NRCAM: variants seen among roughly 807,000 people sequenced by gnomAD.
The protein encoded by NRCAM is neuronal cell adhesion molecule, also known as NgCAM-related cell adhesion molecule.
NRCAM carries 83 observed loss-of-function variants against 156.5 expected under a neutral mutation model. The observed-to-expected ratio is 0.53, with a 90% CI of 0.44 to 0.64. The LOEUF (loss-of-function observed/expected upper bound fraction) is 0.64, where lower values mean the gene tolerates loss of function less well. Among genes scored for constraint, NRCAM ranks in the 30% least tolerant of loss-of-function variants. NRCAM has a pLI of 0.00. For missense variants in NRCAM, 1,417 were observed against 1,597.3 expected, an observed-to-expected ratio of 0.89 and a Z score of 1.92; for synonymous variants, 538 against 563.9, an observed-to-expected ratio of 0.95 and a Z score of 0.65.
intron 3 of NRCAM, among the ~76,000 whole-genome samples, chr7:108,268,058 G>A (rs866356799): frequency 7.8e-5 from 10 of 127,602 alleles, no homozygotes; most frequent in African/African-American, 1.7e-4. Context: ...TCATTTACAC[G>A]GCATTTCTTC....
intron 3 of NRCAM, among the ~76,000 whole-genome samples, chr7:108,289,520 T>A (rs556470677): frequency 1.3e-5 from 2 of 152,294 alleles, no homozygotes; most frequent in East Asian, 3.9e-4. Context: ...AAATTTTGAC[T>A]AACATCTGTT....
chr7:108,224,032 C>T (rs1299972587), intron 10 of NRCAM, among the ~76,000 whole-genome samples, 196 bp from the exon 11 acceptor site: 2 of 152,122 alleles, frequency 1.3e-5, no homozygotes, highest in African/African-American at 4.8e-5. Flanking sequence ...TACCCAGGAA[C>T]AGAAACAATT....
intron 2 of NRCAM, among the ~76,000 whole-genome samples, chr7:108,389,647 A>G (rs2099753303): frequency 6.6e-6 from 1 of 152,104 alleles, no homozygotes; most frequent in African/African-American, 2.4e-5. Context: ...TTTCAAAGGG[A>G]ATGCTTCCAG....
At chr7:108,384,946 T>G (rs1261150656) in intron 2 of NRCAM, among the ~76,000 whole-genome samples, 1 of 152,186 alleles carries the variant, frequency 6.6e-6, no homozygotes, top group Admixed American at 6.6e-5. Flanking sequence ...ACATGCCAAG[T>G]GCTTTATGAA....
chr7:108,297,791 A>G (rs888869987), intron 3 of NRCAM, among the ~76,000 whole-genome samples: 1 of 152,236 alleles, frequency 6.6e-6, no homozygotes, highest in African/African-American at 2.4e-5. Flanking sequence ...GTGTGTGTGC[A>G]TGCGCACGTA....
intron 3 of NRCAM, among the ~76,000 whole-genome samples, chr7:108,246,030 C>CA (rs1210006644): frequency 6.6e-6 from 1 of 152,202 alleles, no homozygotes; most frequent in African/African-American, 2.4e-5. Context: ...CAGGCTTGTC[C>CA]AGCCAGCTAT....
Position 108,177,884 on chromosome 7 carries a change from C to T in NRCAM, c.2974+106G>A, listed in dbSNP as rs1017393981. On this transcript the variant is annotated intron_variant, in intron 26 of 32. Transcript: ENST00000379028. ...CCCCTGATCTGATCACTATATGTAT[C>T]GAAACATCACTACGTACCCCATGAG... 4.2e-5 allele frequency: 41 copies of T among 968,068 alleles called. No individual in the cohort carries two copies. The Admixed American group carries it at 4.7e-4, about 11-fold the overall frequency. 60.0% of individuals were successfully genotyped at this position (968,068 alleles called of 1,614,324 possible).
chr7:108,416,249 G>A (rs549766360), intron 1 of NRCAM, among the ~76,000 whole-genome samples: 21 of 152,328 alleles, frequency 1.4e-4, no homozygotes, highest in Middle Eastern at 3.4e-3. Flanking sequence ...CCAGGAGTAG[G>A]ATAGAGACAG....
intron 17 of NRCAM, 67 bp downstream of exon 17, chr7:108,193,957 A>G (rs1278294044): frequency 6.7e-7 from 1 of 1,491,972 alleles, no homozygotes; most frequent in Non-Finnish European, 9.2e-7. Context: ...ACTACATAGT[A>G]GACCTTTAGT....
chr7:108,230,956 G>A, intron 8 of NRCAM, 75 bp downstream of exon 8: 1 of 1,138,174 alleles, frequency 8.8e-7, no homozygotes, highest in Non-Finnish European at 1.3e-6. Flanking sequence ...TGAATCATAA[G>A]AGGTAATAAT....
chr7:108,343,572 G>A (rs1286414391), intron 2 of NRCAM, among the ~76,000 whole-genome samples: 1 of 152,180 alleles, frequency 6.6e-6, no homozygotes, highest in Non-Finnish European at 1.5e-5. Flanking sequence ...CCAAGCCCCA[G>A]TACTCAAAAG....
chr7:108,256,009 G>GA (rs1436890078), intron 3 of NRCAM, among the ~76,000 whole-genome samples: 56 of 71,468 alleles, frequency 7.8e-4, no homozygotes, highest in South Asian at 2.0e-3. Flanking sequence ...GGGAGGTGGG[G>GA]GCAGCCCCCG....
chr7:108,412,554 T>C (rs942210608), intron 1 of NRCAM, among the ~76,000 whole-genome samples: 1 of 152,208 alleles, frequency 6.6e-6, no homozygotes, highest in Non-Finnish European at 1.5e-5. Context: ...ATTTTTATGG[T>C]AAGAACACTT....
intron 1 of NRCAM, among the ~76,000 whole-genome samples, chr7:108,434,303 G>C (rs887867505): frequency 5.3e-5 from 8 of 152,204 alleles, no homozygotes; most frequent in Non-Finnish European, 8.8e-5. Context: ...CACAGTTTAA[G>C]TTTTTACTGG....
At position 108,436,153 on chromosome 7, in the gene NRCAM, T is replaced by A. The variant is rs927031455; in HGVS notation, c.-332+20090A>T. 8.6e-5 allele frequency among the ~76,000 whole-genome samples: 13 copies of A among 151,970 alleles called. 1 individual carries two copies. The highest frequency in any genetic ancestry group is 1.9e-4 in the East Asian group (1 of 5,174). On this transcript the variant is annotated intron_variant, in intron 1 of 32. Transcript: ENST00000379028. The stretch of plus-strand genomic sequence containing the variant: ...CGTCTCAAATAAATAAATAAATAAA[T>A]AAAAAATAATTCGCTCACACACGTA...
chr7:108,232,699 G>A (rs2094472196), intron 6 of NRCAM, among the ~76,000 whole-genome samples, 177 bp from the exon 7 acceptor site: 1 of 152,022 alleles, frequency 6.6e-6, no homozygotes, highest in Non-Finnish European at 1.5e-5. Context: ...TGGGAAAAAA[G>A]GGCAGGCTAT....
At chr7:108,342,788 TTAAAGTAATACAGG>T (rs2099306567) in intron 2 of NRCAM, among the ~76,000 whole-genome samples, 1 of 152,190 alleles carries the variant, frequency 6.6e-6, no homozygotes, top group Non-Finnish European at 1.5e-5. Flanking sequence ...TCTGAAGCAG[TTAAAGTAATACAGG>T]AAAGAGATCT....
At chr7:108,324,269 G>T (rs928014321) in intron 2 of NRCAM, among the ~76,000 whole-genome samples, 14 of 151,902 alleles carry the variant, frequency 9.2e-5, no homozygotes, top group African/African-American at 3.4e-4. Flanking sequence ...GCATGATCCT[G>T]GGGGTGCCAC....
chr7:108,300,340 A>AT lies in NRCAM; in HGVS notation c.-107+12324_-107+12325insA, dbSNP rs754030410. ...GCCATCACCATTGGGAAGAAGTTAA[A>AT]ATATATTATATAAAATTAAACTAAT... On this transcript the variant is annotated intron_variant, in intron 3 of 32. Coordinates refer to ENST00000379028, the MANE Select transcript of NRCAM (RefSeq NM_001037132.4). Among the ~76,000 whole-genome samples the AT allele has an allele frequency of 1.7e-3, 264 of 151,842 alleles. 1 individual carries two copies. Among genetic ancestry groups the AT allele is most frequent in the Non-Finnish European group, 2.1e-3 (144 of 67,918 alleles).
Sources: allele counts gnomAD v4.1 joint callset (sites outside exome capture counted in the v4.1 genomes callset), GRCh38; gene constraint gnomAD v4.1.1; transcripts MANE v1.5; gene names NCBI Gene and HGNC (gene_info 2026-07-23, HGNC 2026-07-21).